Variants in PDE2A observed in about 807,000 individuals in gnomAD.
The protein encoded by PDE2A is phosphodiesterase 2A.
A neutral mutation model predicts 133.6 loss-of-function variants in PDE2A; 53 were observed. That is an observed-to-expected ratio of 0.40 (90% CI 0.32 to 0.50). The LOEUF (loss-of-function observed/expected upper bound fraction) is 0.50. PDE2A is among the 20% of genes least tolerant of loss of function. PDE2A has a pLI of 0.73. For synonymous variants in PDE2A, 491 were observed against 490.2 expected, an observed-to-expected ratio of 1.00 and a Z score of -0.02; for missense variants, 796 against 1,232.4, an observed-to-expected ratio of 0.65 and a Z score of 5.30.
intron 2 of PDE2A, among the ~76,000 whole-genome samples, chr11:72,626,784 A>G (rs1373650835): frequency 6.6e-6 from 1 of 152,186 alleles, no homozygotes; most frequent in African/African-American, 2.4e-5. Flanking sequence ...TGGTGGCCTC[A>G]GCCTCACCCT....
intron 4 of PDE2A, among the ~76,000 whole-genome samples, chr11:72,599,842 G>A (rs1018060665): frequency 2.4e-4 from 36 of 152,218 alleles, no homozygotes; most frequent in Middle Eastern, 3.2e-3. Flanking sequence ...TCAACGTACA[G>A]ACCCACGCTT....
intron 2 of PDE2A, among the ~76,000 whole-genome samples, chr11:72,617,598 C>G (rs1591078427): frequency 6.6e-6 from 1 of 152,216 alleles, no homozygotes; most frequent in Non-Finnish European, 1.5e-5. Context: ...CCCAGCTGTT[C>G]CCCAAACCCC....
chr11:72,599,021 C>T, intron 4 of PDE2A: 1 of 985,428 alleles, frequency 1.0e-6, no homozygotes, highest in Non-Finnish European at 1.2e-6. Context: ...AAGGCTGAGG[C>T]TTCACGGAGG....
chr11:72,621,340 A>G (rs1281923436), intron 2 of PDE2A, among the ~76,000 whole-genome samples: 3 of 152,182 alleles, frequency 2.0e-5, no homozygotes, highest in Non-Finnish European at 2.9e-5. Flanking sequence ...TCCCATACTC[A>G]GCAGCTGAAG....
At chr11:72,654,752 C>T (rs55816112) in intron 1 of PDE2A, among the ~76,000 whole-genome samples, 21,791 of 152,210 alleles carry the variant, frequency 0.14, 1,641 homozygotes, top group Middle Eastern at 0.16. Context: ...ACTGGAGGAA[C>T]GAGACAAGAT....
chr11:72,669,240 T>G (rs916403282), intron 1 of PDE2A, among the ~76,000 whole-genome samples: 2 of 152,122 alleles, frequency 1.3e-5, no homozygotes, highest in Non-Finnish European at 2.9e-5. Context: ...CTTCAAAGCC[T>G]CCTCTGCGCC....
At chr11:72,652,547 C>A in intron 1 of PDE2A, 1 of 456,256 alleles carries the variant, frequency 2.2e-6, no homozygotes, top group South Asian at 1.5e-5. Context: ...AACCCTCCTT[C>A]TCCTCTCTGT....
In PDE2A at chr11:72,583,473, G is replaced by A; in HGVS notation, c.1693C>T (p.His565Tyr). ...TACATCATCATCTCATTGGCCAGGTGGCTGCGATACTGAGCCTCATTCACT... is the reference window on the plus strand; with the variant it reads ...TACATCATCATCTCATTGGCCAGGTAGCTGCGATACTGAGCCTCATTCACT... The part of the protein sequence containing the change: ...KKVNEAQYRS[H>Y]LANEMMMYHM... Residue 565 changes from histidine to tyrosine, a missense_variant, in exon 20 of 31, where the codon CAC becomes TAC. By Grantham distance (83) the His-to-Tyr change is moderately conservative. Transcript: ENST00000334456. 1.9e-6 allele frequency: 3 copies of A among 1,612,974 alleles called. No individual in the cohort carries two copies. In the South Asian group the frequency reaches 3.3e-5, roughly 18 times the overall value.
At chr11:72,608,818 G>A (rs749298633) in intron 2 of PDE2A, 67 bp from the exon 3 acceptor site, 3 of 848,764 alleles carry the variant, frequency 3.5e-6, no homozygotes, top group Non-Finnish European at 5.9e-6. Flanking sequence ...TCTGCCCAAA[G>A]GACTGTGAGC....
intron 2 of PDE2A, among the ~76,000 whole-genome samples, chr11:72,624,391 A>G (rs960562738): frequency 6.6e-6 from 1 of 152,170 alleles, no homozygotes; most frequent in Non-Finnish European, 1.5e-5. Context: ...CACATTGCAT[A>G]CTGTTACAAC....
At chr11:72,589,039 A>T in intron 12 of PDE2A, 125 bp from the exon 13 acceptor site, 1 of 1,249,290 alleles carries the variant, frequency 8.0e-7, no homozygotes, top group Non-Finnish European at 1.1e-6. Context: ...GCTCTGTGTC[A>T]TGGAGATGGG....
intron 2 of PDE2A, among the ~76,000 whole-genome samples, chr11:72,634,925 G>C (rs1402116272): frequency 6.6e-6 from 1 of 152,210 alleles, no homozygotes; most frequent in African/African-American, 2.4e-5. Flanking sequence ...CGAAGGCAGG[G>C]GTTCATGCAT....
chr11:72,581,946 G>C lies in PDE2A; in HGVS notation c.1853C>G (p.Ala618Gly). Residue 618 changes from alanine to glycine, a missense_variant and splice_region_variant, in exon 22 of 31, where the codon GCC becomes GGC. Coordinates refer to ENST00000334456, the MANE Select transcript of PDE2A (RefSeq NM_002599.5). ...CATGTCCTGCAGCATGCTCAGGATG[G>C]CCTGGAGAGGGCAGAGGGAGGTATC... The part of the protein sequence containing the change: ...RSLPEDDTSM[A>G]ILSMLQDMNF... 6.2e-7 allele frequency: 1 copy of C among 1,613,562 alleles called. No individual in the cohort carries two copies. The highest frequency in any genetic ancestry group is 8.5e-7 in the Non-Finnish European group (1 of 1,179,496).
chr11:72,593,569 G>T (rs897394186), intron 6 of PDE2A, among the ~76,000 whole-genome samples: 1 of 152,204 alleles, frequency 6.6e-6, no homozygotes, highest in Non-Finnish European at 1.5e-5. Flanking sequence ...CCCGTGCAGG[G>T]AGCTGGTGTG....
intron 2 of PDE2A, among the ~76,000 whole-genome samples, chr11:72,635,672 T>G (rs1370513275): frequency 2.0e-5 from 3 of 152,190 alleles, no homozygotes; most frequent in Non-Finnish European, 4.4e-5. Context: ...CTTGGAGATA[T>G]TGACCCCCAA....
At chr11:72,581,784 T>C in intron 22 of PDE2A, 93 bp downstream of exon 22, 1 of 1,221,096 alleles carries the variant, frequency 8.2e-7, no homozygotes, top group Non-Finnish European at 1.2e-6. Context: ...CAGTCATCCT[T>C]AGAGAGATCC....
At chr11:72,584,412 C>A in intron 18 of PDE2A, 99 bp from the exon 19 acceptor site, 1 of 1,256,552 alleles carries the variant, frequency 8.0e-7, no homozygotes. Context: ...CCGCAGGTTA[C>A]GTACGTCCCA....
At chr11:72,629,987 TTC>T (rs758404887) in intron 2 of PDE2A, among the ~76,000 whole-genome samples, 3 of 151,044 alleles carry the variant, frequency 2.0e-5, no homozygotes, top group Non-Finnish European at 4.4e-5. Context: ...GTGGGTCCAG[TTC>T]TCTCTCTCTC....
chr11:72,670,571 A>C, intron 1 of PDE2A, among the ~76,000 whole-genome samples: 1 of 139,998 alleles, frequency 7.1e-6, no homozygotes, highest in Non-Finnish European at 1.6e-5. Context: ...GTCTGTCCTC[A>C]CTCCCTTATT....
Sources: gnomAD v4.1 joint callset for allele counts (sites outside exome capture counted in the v4.1 genomes callset) on GRCh38, gnomAD v4.1.1 for gene constraint, MANE v1.5 for transcripts, NCBI Gene and HGNC (gene_info 2026-07-23, HGNC 2026-07-21) for gene names.